ESRRB: variants seen among roughly 807,000 people sequenced by gnomAD.
ESRRB encodes steroid hormone receptor ERR2.
ESRRB carries 16 observed loss-of-function variants against 46.0 expected under a neutral mutation model. The observed-to-expected ratio is 0.35, with a 90% confidence interval of 0.24 to 0.53. The LOEUF is 0.53. Ranked by LOEUF, ESRRB falls within the 20% of genes least tolerant of loss-of-function variation. ESRRB has a pLI of 0.93. For missense variants in ESRRB, 488 were observed against 607.4 expected (o/e 0.80, Z 2.07); for synonymous variants, 246 against 259.6 (o/e 0.95, Z 0.50).
chr14:76,315,938 T>G (rs1279849896), intron 1 of ESRRB, among the ~76,000 whole-genome samples: 1 of 152,180 alleles, frequency 6.6e-6, no homozygotes, highest in Non-Finnish European at 1.5e-5. Flanking sequence ...AAAGAGAATT[T>G]TCTTAAGTTT....
At position 76,358,329 on chromosome 14, in the gene ESRRB, AAG is replaced by A. The variant is rs1566859619; in HGVS notation, c.2+47415_2+47416del. 4.8e-3 allele frequency among the ~76,000 whole-genome samples: 68 copies of A among 14,090 alleles called. 12 individuals are homozygous for A. Among genetic ancestry groups the A allele is most frequent in the African/African-American group, 0.019 (39 of 2,072 alleles). 9.2% of individuals were successfully genotyped at this position (14,090 alleles called of 152,430 possible). A position where few individuals can be genotyped will look rare whatever the true frequency, so the allele number is the denominator to read the frequency against. ...TCTGTCTCAAAAAAAAAAAAAAAGA[AAG>A]AAAGAAAGAAAGAAAGAAAGAAAGA... On this transcript the variant is annotated intron_variant, in intron 1 of 6. Coordinates refer to the ESRRB transcript ENST00000512784.
chr14:76,499,694 G>C lies in ESRRB; in HGVS notation c.*1236G>C, dbSNP rs2140066848. 1 of 698,236 alleles carries C rather than the reference G, an allele frequency of 1.4e-6. No homozygotes were observed. The highest frequency in any genetic ancestry group is 1.7e-5 in the African/African-American group (1 of 57,336). 43.3% of individuals were successfully genotyped at this position (698,236 alleles called of 1,614,324 possible). On this transcript the variant is annotated 3_prime_UTR_variant, in exon 7 of 7. Coordinates refer to ENST00000644823, the MANE Select transcript of ESRRB (RefSeq NM_001379180.1). ...CTGGCAGGACCCCTGCAGTCCCCCT[G>C]GCTGTGCCAGGTAACCAACCGTCTT...
At chr14:76,369,518 C>T (rs1397828925), upstream of ESRRB, among the ~76,000 whole-genome samples, 2 of 152,132 alleles carry the variant, frequency 1.3e-5, no homozygotes, top group South Asian at 4.1e-4. Context: ...AGGTGATCCA[C>T]CTGCTTCGGC....
rs1006410893 is a variant in ESRRB, at chr14:76,500,129, C to G, written c.*1671C>G. On this transcript the variant is annotated 3_prime_UTR_variant, in exon 7 of 7. Coordinates refer to ENST00000644823, the MANE Select transcript of ESRRB (RefSeq NM_001379180.1). Reference sequence around the variant, plus strand: ...CACCTCCTTGGCTCTACCCCAGGAACCTCCCGGCCTGGGCTTCTGGGCTGG... The same window carrying G: ...CACCTCCTTGGCTCTACCCCAGGAAGCTCCCGGCCTGGGCTTCTGGGCTGG... The G allele has an allele frequency of 6.4e-6, 9 of 1,405,478 alleles. No individual in the cohort carries two copies. In the Admixed American group the frequency reaches 1.0e-4, roughly 16 times the overall value. 87.1% of individuals were successfully genotyped at this position (1,405,478 alleles called of 1,614,324 possible). A position where few individuals can be genotyped will look rare whatever the true frequency, so the allele number is the denominator to read the frequency against.
intron 2 of ESRRB, among the ~76,000 whole-genome samples, chr14:76,449,800 C>T (rs1406328093): frequency 1.5e-5 from 2 of 134,042 alleles, no homozygotes; most frequent in Non-Finnish European, 3.0e-5. Context: ...CAGGGTCTTG[C>T]TCTGTTGCCC....
At chr14:76,315,815 A>C (rs193070796) in intron 1 of ESRRB, among the ~76,000 whole-genome samples, 1 of 152,340 alleles carries the variant, frequency 6.6e-6, no homozygotes, top group East Asian at 1.9e-4. Flanking sequence ...ACCTGAGAAG[A>C]ACCCAGGACC....
Position 76,500,473 on chromosome 14 carries a change from T to G in ESRRB, c.*2015T>G. On this transcript the variant is annotated 3_prime_UTR_variant, in exon 7 of 7. Coordinates refer to ENST00000644823, the MANE Select transcript of ESRRB (RefSeq NM_001379180.1). Reference sequence around the variant, plus strand: ...AGGAACACCAGCTACAAACCAAGTCTAGCACAGTGTTTAGAGGCTCTGCCC... The same window carrying G: ...AGGAACACCAGCTACAAACCAAGTCGAGCACAGTGTTTAGAGGCTCTGCCC... The G allele has an allele frequency of 1.6e-6, 1 of 608,352 alleles. No individual in the cohort carries two copies. Among genetic ancestry groups the G allele is most frequent in the Non-Finnish European group, 2.9e-6 (1 of 341,546 alleles). 37.7% of individuals were successfully genotyped at this position (608,352 alleles called of 1,614,324 possible).
chr14:76,315,556 C>A (rs963050720), intron 1 of ESRRB, among the ~76,000 whole-genome samples: 3 of 152,200 alleles, frequency 2.0e-5, no homozygotes, highest in African/African-American at 7.2e-5. Flanking sequence ...ATAGGATCAA[C>A]CTCATAGGGT....
At chr14:76,416,419 G>A (rs937129543) in intron 1 of ESRRB, among the ~76,000 whole-genome samples, 1 of 150,030 alleles carries the variant, frequency 6.7e-6, no homozygotes. Context: ...CCTGCGCCCC[G>A]CCTCTATTTT....
Position 76,498,648 on chromosome 14 carries a change from G to C in ESRRB, c.*190G>C. 6.8e-6 allele frequency: 8 copies of C among 1,170,660 alleles called. No homozygotes were observed. The highest frequency in any genetic ancestry group is 2.1e-5 in the Admixed American group (1 of 47,548). 72.5% of individuals were successfully genotyped at this position (1,170,660 alleles called of 1,614,324 possible). A position where few individuals can be genotyped will look rare whatever the true frequency, so the allele number is the denominator to read the frequency against. On this transcript the variant is annotated 3_prime_UTR_variant, in exon 7 of 7. Transcript: ENST00000644823. Reference sequence around the variant, plus strand: ...TGCAGTGGGGTGGGGGACGGGGATGGGGGGGCAGGGGTGTGGGGCTCGACT... The same window carrying C: ...TGCAGTGGGGTGGGGGACGGGGATGCGGGGGCAGGGGTGTGGGGCTCGACT...
intron 3 of ESRRB, among the ~76,000 whole-genome samples, chr14:76,473,793 G>A (rs1305558217): frequency 6.6e-6 from 1 of 152,250 alleles, no homozygotes; most frequent in Non-Finnish European, 1.5e-5. Flanking sequence ...AATCCCGGAT[G>A]TGTAAGGTGC....
chr14:76,348,363 G>GT (rs2139758285), intron 1 of ESRRB, among the ~76,000 whole-genome samples: 1 of 152,314 alleles, frequency 6.6e-6, no homozygotes, highest in Admixed American at 6.5e-5. Context: ...ACAACAGGAG[G>GT]TTTTCCAACG....
intron 2 of ESRRB, among the ~76,000 whole-genome samples, chr14:76,462,225 G>A (rs1238604909): frequency 1.3e-5 from 2 of 152,122 alleles, no homozygotes; most frequent in Non-Finnish European, 2.9e-5. Flanking sequence ...CAGCATAGGG[G>A]GCGTTCTCCT....
At chr14:76,407,732 C>T (rs942391741) in intron 1 of ESRRB, 7 of 292,446 alleles carry the variant, frequency 2.4e-5, no homozygotes, top group Non-Finnish European at 3.6e-5. Context: ...GGCAGAAATA[C>T]CACATTACTG....
chr14:76,386,664 G>A (rs142459736), intron 1 of ESRRB, among the ~76,000 whole-genome samples: 3,283 of 151,976 alleles, frequency 0.022, 120 homozygotes, highest in African/African-American at 0.076. Flanking sequence ...GTTTCACCAT[G>A]TTGGCCAGGT....
chr14:76,389,233 G>C (rs1031833401), intron 1 of ESRRB, among the ~76,000 whole-genome samples: 1 of 152,170 alleles, frequency 6.6e-6, no homozygotes, highest in Non-Finnish European at 1.5e-5. Context: ...ATCCCCCTCT[G>C]TGTGGAGGCA....
chr14:76,448,689 G>A (rs1888257388), intron 2 of ESRRB, among the ~76,000 whole-genome samples: 1 of 150,910 alleles, frequency 6.6e-6, no homozygotes, highest in South Asian at 2.1e-4. Context: ...TACCTGGCAT[G>A]TAGAAGGTTC....
At chr14:76,375,297 G>A (rs928609607), upstream of ESRRB, among the ~76,000 whole-genome samples, 1 of 152,182 alleles carries the variant, frequency 6.6e-6, no homozygotes, top group Non-Finnish European at 1.5e-5. Context: ...ATAATATTCG[G>A]GTTCACTGAG....
chr14:76,474,173 C>T (rs1265661653), intron 3 of ESRRB, among the ~76,000 whole-genome samples: 2 of 152,222 alleles, frequency 1.3e-5, no homozygotes, highest in Non-Finnish European at 2.9e-5. Context: ...TTGTTTAATA[C>T]ATCTGACTGA....
Sources: allele counts gnomAD v4.1 joint callset (sites outside exome capture counted in the v4.1 genomes callset), GRCh38; gene constraint gnomAD v4.1.1; transcripts MANE v1.5; gene names NCBI Gene and HGNC (gene_info 2026-07-23, HGNC 2026-07-21).